Variants in DHRSX observed in about 807,000 individuals in gnomAD.
The protein encoded by DHRSX is polyprenol dehydrogenase.
A neutral mutation model predicts 34.0 loss-of-function variants in DHRSX; 31 were observed. The observed-to-expected ratio is 0.91, with a 90% CI of 0.69 to 1.23. The LOEUF is 1.23. Ranked by LOEUF, DHRSX falls within the 50% of genes most tolerant of loss-of-function variation. The probability of loss-of-function intolerance (pLI) is 0.00; values close to 1 mark genes in which losing one functional copy is unlikely to be tolerated. For missense variants in DHRSX, 414 were observed against 428.1 expected, an observed-to-expected ratio of 0.97 and a Z score of 0.29; for synonymous variants, 201 against 183.8, an observed-to-expected ratio of 1.09 and a Z score of -0.76.
At chrX:2,445,833 G>A (rs187757427) in intron 1 of DHRSX, among the ~76,000 whole-genome samples, 5 of 152,036 alleles carry the variant, frequency 3.3e-5, no homozygotes, top group East Asian at 3.9e-4. Flanking sequence ...CTGCCACCGT[G>A]TACACACTGA....
intron 1 of DHRSX, among the ~76,000 whole-genome samples, chrX:2,453,158 A>T (rs1297119887): frequency 6.6e-6 from 1 of 152,200 alleles, no homozygotes; most frequent in Non-Finnish European, 1.5e-5. Flanking sequence ...TGTAGAATAT[A>T]AAAAAGCTGA....
intron 3 of DHRSX, chrX:2,392,501 G>T (rs773390845): frequency 3.9e-6 from 1 of 258,978 alleles, no homozygotes; most frequent in South Asian, 4.1e-5. Context: ...AAATAAGTAG[G>T]TATATAATTT....
intron 1 of DHRSX, among the ~76,000 whole-genome samples, chrX:2,439,372 G>A (rs901168154): frequency 6.6e-6 from 1 of 152,018 alleles, no homozygotes. Flanking sequence ...CTTAAAGTAA[G>A]AGTGACAGCA....
intron 1 of DHRSX, chrX:2,490,847 A>T: frequency 1.5e-6 from 2 of 1,356,688 alleles, no homozygotes; most frequent in Non-Finnish European, 2.0e-6. Flanking sequence ...GGAGACAGAC[A>T]GGGTGCCGGG....
chrX:2,411,506 G>T (rs1407648473), intron 2 of DHRSX, among the ~76,000 whole-genome samples: 2 of 140,772 alleles, frequency 1.4e-5, no homozygotes, highest in African/African-American at 5.5e-5. Context: ...CATGAACTGA[G>T]ATCACACCAC....
chrX:2,450,590 C>T (rs1357700559), intron 1 of DHRSX, among the ~76,000 whole-genome samples: 1 of 152,042 alleles, frequency 6.6e-6, no homozygotes, highest in African/African-American at 2.4e-5. Flanking sequence ...TGGGCTTTCC[C>T]AGGTTCTGCG....
chrX:2,264,491 C>A (rs1340939889), intron 5 of DHRSX, among the ~76,000 whole-genome samples: 3 of 151,684 alleles, frequency 2.0e-5, no homozygotes, highest in Non-Finnish European at 4.4e-5. Flanking sequence ...GCCCAGAGCA[C>A]CTGTGTCCAG....
chrX:2,242,755 G>A (rs1344571329), intron 6 of DHRSX, among the ~76,000 whole-genome samples: 1 of 152,092 alleles, frequency 6.6e-6, no homozygotes, highest in Non-Finnish European at 1.5e-5. Context: ...GGGGAGGCAT[G>A]AATAATCCCC....
rs771818725 is a variant in DHRSX at position 2,243,154 on chromosome X, G to A, written c.673C>T (p.Leu225=). The A allele has an allele frequency of 3.0e-5, 49 of 1,613,866 alleles. No individual in the cohort carries two copies. The highest frequency in any genetic ancestry group is 3.1e-5 in the Non-Finnish European group (36 of 1,179,882). The change falls in exon 6 of 7, where the codon CTG becomes TTG. Residue 225 remains leucine, a synonymous_variant. Coordinates refer to ENST00000334651, the MANE Select transcript of DHRSX (RefSeq NM_145177.3). ...ACGTGGCTTCCCTCAGCCGCCAGCA[G>A]CCGCTGGAGGTGGTAGGTGAACAGG... ...LVLFTYHLQR[L]LAAEGSHVTA...
intron 3 of DHRSX, among the ~76,000 whole-genome samples, chrX:2,401,186 C>A (rs1387476622): frequency 6.6e-6 from 1 of 151,482 alleles, no homozygotes; most frequent in Non-Finnish European, 1.5e-5. Flanking sequence ...CTCGGCTCAC[C>A]GCAAACCTCC....
In DHRSX at chrX:2,465,888, A is replaced by G. The variant is rs1220455742; in HGVS notation, c.109+34929T>C. 2.0e-5 allele frequency among the ~76,000 whole-genome samples: 3 copies of G among 152,150 alleles called. No homozygotes were observed. The East Asian group carries it at 5.8e-4, about 29-fold the overall frequency. On this transcript the variant is annotated intron_variant, in intron 1 of 6. Coordinates refer to ENST00000334651, the MANE Select transcript of DHRSX (RefSeq NM_145177.3). ...TACACTGTGAAAAAATATCTGCAACAGGGCATCACGCACCCCAAAAATTCC... is the reference window on the plus strand; with the variant it reads ...TACACTGTGAAAAAATATCTGCAACGGGGCATCACGCACCCCAAAAATTCC...
chrX:2,412,935 G>A (rs906321346), intron 2 of DHRSX, among the ~76,000 whole-genome samples: 11 of 152,186 alleles, frequency 7.2e-5, no homozygotes, highest in African/African-American at 2.7e-4. Context: ...GGTATCTCAT[G>A]CCTGTAATCC....
At chrX:2,248,035 C>A (rs192824718) in intron 5 of DHRSX, among the ~76,000 whole-genome samples, 1 of 152,116 alleles carries the variant, frequency 6.6e-6, no homozygotes, top group African/African-American at 2.4e-5. Context: ...CAGTGGCTCA[C>A]GGCTATAATC....
chrX:2,399,539 T>C (rs965559864), intron 3 of DHRSX, among the ~76,000 whole-genome samples: 1 of 151,384 alleles, frequency 6.6e-6, no homozygotes, highest in Non-Finnish European at 1.5e-5. Context: ...TCCCTGTCTC[T>C]ACTAAAAATA....
At chrX:2,273,345 GA>G (rs1441250579) in intron 4 of DHRSX, among the ~76,000 whole-genome samples, 3 of 152,174 alleles carry the variant, frequency 2.0e-5, no homozygotes, top group African/African-American at 4.8e-5. Flanking sequence ...AAAGAAAATG[GA>G]ATGGAATACT....
At chrX:2,488,779 C>G in intron 1 of DHRSX, 3 of 1,613,948 alleles carry the variant, frequency 1.9e-6, no homozygotes, top group Non-Finnish European at 2.5e-6. Flanking sequence ...CGTTCTCATA[C>G]AGAAACACCT....
At chrX:2,422,652 A>G (rs1385502434) in intron 2 of DHRSX, among the ~76,000 whole-genome samples, 1 of 152,182 alleles carries the variant, frequency 6.6e-6, no homozygotes, top group African/African-American at 2.4e-5. Context: ...AGTTATTAAA[A>G]GCAAAGGGTG....
rs773776661 is a variant in DHRSX, at chrX:2,400,349, G to A, written c.286+8396C>T. 1.8e-3 allele frequency among the ~76,000 whole-genome samples: 279 copies of A among 152,196 alleles called. 2 individuals are homozygous for A. The highest frequency in any genetic ancestry group is 5.9e-3 in the African/African-American group (243 of 41,520). ...CCTTAACAATCCTTCTACCCAATCCGAAAGTCTACAGGTTGAAGAAAAATT... is the reference window on the plus strand; with the variant it reads ...CCTTAACAATCCTTCTACCCAATCCAAAAGTCTACAGGTTGAAGAAAAATT... On this transcript the variant is annotated intron_variant, in intron 3 of 6. Coordinates refer to ENST00000334651, the MANE Select transcript of DHRSX (RefSeq NM_145177.3).
rs374535225 is a variant in DHRSX at position 2,464,197 on chromosome X, A to C, written c.109+36620T>G. 3.0e-4 allele frequency among the ~76,000 whole-genome samples: 26 copies of C among 86,292 alleles called. 1 individual carries two copies. The African/African-American group carries it at 3.5e-3, about 12-fold the overall frequency. The allele number at this position is 86,292 out of a possible 152,430, so 56.6% of individuals were successfully genotyped here. A position where few individuals can be genotyped will look rare whatever the true frequency, so the allele number is the denominator to read the frequency against. ...GCAGACGTTTCCTAGGCATGTGGCT[A>C]AGGGACCGCCGTGTACACACTTAAG... is the stretch of plus-strand genomic sequence containing the variant. On this transcript the variant is annotated intron_variant, in intron 1 of 6. Coordinates refer to ENST00000334651, the MANE Select transcript of DHRSX (RefSeq NM_145177.3).
Sources: gnomAD v4.1 joint callset for allele counts (sites outside exome capture counted in the v4.1 genomes callset) on GRCh38, gnomAD v4.1.1 for gene constraint, MANE v1.5 for transcripts, NCBI Gene and HGNC (gene_info 2026-07-23, HGNC 2026-07-21) for gene names.